SFRP1: variants seen among roughly 807,000 people sequenced by gnomAD.
SFRP1 encodes the protein secreted frizzled related protein 1.
Under a neutral mutation model 25.9 loss-of-function variants are expected in SFRP1, and 9 were observed. That is an observed-to-expected ratio of 0.35 (90% confidence interval 0.21 to 0.61). The LOEUF (loss-of-function observed/expected upper bound fraction) is 0.61. Ranked by LOEUF, SFRP1 falls within the 20% of genes least tolerant of loss-of-function variation. The pLI, the probability that SFRP1 is intolerant of heterozygous loss-of-function variation, is 0.78. For missense variants in SFRP1, 346 were observed against 418.2 expected (o/e 0.83, Z 1.51); for synonymous variants, 178 against 174.0 (o/e 1.02, Z -0.18).
chr8:41,277,104 T>C (rs1803580896), intron 2 of SFRP1: 1 of 448,790 alleles, frequency 2.2e-6, no homozygotes, highest in African/African-American at 2.0e-5. Context: ...TGTGATTTCA[T>C]CTGGGAAGCC....
intron 1 of SFRP1, among the ~76,000 whole-genome samples, chr8:41,305,129 A>G (rs1232973023): frequency 6.6e-6 from 1 of 152,226 alleles, no homozygotes; most frequent in East Asian, 1.9e-4. Context: ...GCACAAGGAG[A>G]GTGAACTGTG....
chr8:41,278,598 T>A (rs188707306), intron 2 of SFRP1, among the ~76,000 whole-genome samples: 1 of 152,280 alleles, frequency 6.6e-6, no homozygotes, highest in Admixed American at 6.5e-5. Context: ...ACCTCTCAGA[T>A]GGCAATGCTG....
chr8:41,298,919 C>A (rs1380075242), intron 2 of SFRP1, among the ~76,000 whole-genome samples: 1 of 152,154 alleles, frequency 6.6e-6, no homozygotes, highest in Non-Finnish European at 1.5e-5. Flanking sequence ...CTTTCTCTAC[C>A]CACCTCCAGA....
intron 2 of SFRP1, among the ~76,000 whole-genome samples, chr8:41,283,105 C>T (rs1218524476): frequency 6.6e-6 from 1 of 152,168 alleles, no homozygotes; most frequent in Non-Finnish European, 1.5e-5. Context: ...GAGTCTCCAT[C>T]CTGTTTCTTC....
At chr8:41,302,749 A>G (rs931624561) in intron 2 of SFRP1, among the ~76,000 whole-genome samples, 1 of 152,122 alleles carries the variant, frequency 6.6e-6, no homozygotes, top group Admixed American at 6.6e-5. Context: ...ATAACAGACC[A>G]TCCCTGGAAG....
At chr8:41,306,843 G>A in intron 1 of SFRP1, 3 of 1,597,934 alleles carry the variant, frequency 1.9e-6, no homozygotes, top group Non-Finnish European at 2.5e-6. Flanking sequence ...CGATTATGGG[G>A]TTTCCCCATC....
chr8:41,306,880 T>G (rs1804005418), intron 1 of SFRP1: 1 of 1,594,098 alleles, frequency 6.3e-7, no homozygotes, highest in African/African-American at 1.3e-5. Flanking sequence ...GGGGCTGGGG[T>G]GAGGGATTCT....
chr8:41,281,521 T>C (rs1305275156), intron 2 of SFRP1, among the ~76,000 whole-genome samples: 2 of 152,210 alleles, frequency 1.3e-5, no homozygotes, highest in South Asian at 2.1e-4. Flanking sequence ...TTGAGACACA[T>C]TGAGGATGCG....
intron 2 of SFRP1, among the ~76,000 whole-genome samples, chr8:41,270,821 C>A (rs74686581): frequency 7.0e-4 from 86 of 122,712 alleles, no homozygotes; most frequent in Middle Eastern, 4.3e-3. Context: ...GACTCCATCT[C>A]AAAAAAAAAA....
At chr8:41,273,095 C>T (rs767107530) in intron 2 of SFRP1, among the ~76,000 whole-genome samples, 23 of 152,344 alleles carry the variant, frequency 1.5e-4, no homozygotes, top group Non-Finnish European at 2.8e-4. Flanking sequence ...AAAACATCTT[C>T]AGGCATTAAC....
At chr8:41,286,516 G>A (rs1464696242) in intron 2 of SFRP1, among the ~76,000 whole-genome samples, 1 of 152,132 alleles carries the variant, frequency 6.6e-6, no homozygotes, top group African/African-American at 2.4e-5. Flanking sequence ...GGGGGAGGGG[G>A]TTCAGCCCTG....
intron 2 of SFRP1, among the ~76,000 whole-genome samples, chr8:41,275,872 G>C (rs551105787): frequency 6.6e-6 from 1 of 152,304 alleles, no homozygotes; most frequent in South Asian, 2.1e-4. Flanking sequence ...TCAGCCTCCT[G>C]AGGAGCTGTG....
chr8:41,278,005 TG>T (rs2117490062), intron 2 of SFRP1, among the ~76,000 whole-genome samples: 1 of 152,270 alleles, frequency 6.6e-6, no homozygotes, highest in South Asian at 2.1e-4. Context: ...GCCTGAGGGT[TG>T]GGACAGGGTG....
intron 2 of SFRP1, among the ~76,000 whole-genome samples, chr8:41,277,509 A>G (rs917857300): frequency 6.6e-6 from 1 of 152,238 alleles, no homozygotes; most frequent in Non-Finnish European, 1.5e-5. Flanking sequence ...GAGATGCTAG[A>G]GTGAGCATCA....
intron 1 of SFRP1, among the ~76,000 whole-genome samples, chr8:41,304,803 C>T (rs1165211569): frequency 2.6e-5 from 4 of 152,138 alleles, no homozygotes; most frequent in Non-Finnish European, 5.9e-5. Flanking sequence ...TACTTCCAAA[C>T]AGGGTCCCTG....
At chr8:41,288,260 A>G (rs1803732132) in intron 2 of SFRP1, among the ~76,000 whole-genome samples, 1 of 152,142 alleles carries the variant, frequency 6.6e-6, no homozygotes, top group African/African-American at 2.4e-5. Context: ...CAGGAGGCTG[A>G]GGCAGAGAAT....
chr8:41,307,034 G>A, intron 1 of SFRP1: 1 of 1,437,884 alleles, frequency 7.0e-7, no homozygotes, highest in Middle Eastern at 2.6e-4. Context: ...ATTGGGAATG[G>A]ACTCCAGGTC....
chr8:41,306,077 G>C (rs1244424705), intron 1 of SFRP1, among the ~76,000 whole-genome samples: 1 of 150,878 alleles, frequency 6.6e-6, no homozygotes, highest in South Asian at 2.1e-4. Flanking sequence ...CAGTTCTAAT[G>C]GAAGTGCCAA....
Position 41,309,312 on chromosome 8 carries a change from C to T in SFRP1, c.-153G>A. On this transcript the variant is annotated 5_prime_UTR_variant, in exon 1 of 3. Transcript: ENST00000220772. ...CGGCCGCAAGCTGCTGCCCGGTCCC[C>T]CCGGCCAGTGGCGGCCCTCGGCCTG... The T allele has an allele frequency of 1.1e-6, 1 of 931,588 alleles. No individual in the cohort carries two copies. The highest frequency in any genetic ancestry group is 1.4e-6 in the Non-Finnish European group (1 of 726,866). 57.7% of individuals were successfully genotyped at this position (931,588 alleles called of 1,614,324 possible).
Sources: allele counts gnomAD v4.1 joint callset (sites outside exome capture counted in the v4.1 genomes callset), GRCh38; gene constraint gnomAD v4.1.1; transcripts MANE v1.5; gene names NCBI Gene and HGNC (gene_info 2026-07-23, HGNC 2026-07-21).